The following DPH6 variants were observed in gnomAD, a reference collection of about 807,000 sequenced individuals.
The protein encoded by DPH6 is diphthine--ammonia ligase.
Under a neutral mutation model 38.2 loss-of-function variants are expected in DPH6, and 33 were observed. That is an observed-to-expected ratio of 0.86 (90% CI 0.65 to 1.15). DPH6 has a LOEUF of 1.15. Ranked by LOEUF, DPH6 falls within the 50% of genes most tolerant of loss-of-function variation. DPH6 has a pLI of 0.00. For synonymous variants in DPH6, 108 were observed against 103.0 expected (o/e 1.05, Z -0.30); for missense variants, 325 against 320.0 (o/e 1.02, Z -0.12).
At chr15:35,203,434 G>A in the DPH6 span, among the ~76,000 whole-genome samples, 1 of 151,430 alleles carries the variant, frequency 6.6e-6, no homozygotes, top group African/African-American at 2.4e-5. Flanking sequence ...TTTGACCCAC[G>A]TTAAATATTC....
chr15:35,155,651 T>C, the DPH6 span, among the ~76,000 whole-genome samples: 1 of 152,204 alleles, frequency 6.6e-6, no homozygotes, highest in Non-Finnish European at 1.5e-5. Flanking sequence ...ATGACATTTA[T>C]CATGTTTGAA....
chr15:35,254,745 G>C (rs2051695996), intron 3 of DPH6, among the ~76,000 whole-genome samples: 1 of 152,184 alleles, frequency 6.6e-6, no homozygotes, highest in African/African-American at 2.4e-5. Context: ...CCTGGGTGCA[G>C]GTGGGCTGAG....
At chr15:35,158,818 CT>C in the DPH6 span, among the ~76,000 whole-genome samples, 1 of 151,964 alleles carries the variant, frequency 6.6e-6, no homozygotes, top group Non-Finnish European at 1.5e-5. Context: ...TCTTCCGTCT[CT>C]CTACTTCTGA....
chr15:35,364,981 C>T (rs1009351157), intron 3 of DPH6, among the ~76,000 whole-genome samples: 3 of 151,984 alleles, frequency 2.0e-5, no homozygotes, highest in African/African-American at 7.2e-5. Context: ...CTTCATGTTT[C>T]ATTCTGAATA....
chr15:35,326,438 G>T (rs764440219), downstream of DPH6, among the ~76,000 whole-genome samples: 6 of 149,796 alleles, frequency 4.0e-5, no homozygotes, highest in African/African-American at 7.6e-5. Context: ...AATTTAAAAA[G>T]AATTTTTTTT....
At chr15:35,493,379 T>C (rs2054508665) in intron 3 of DPH6, among the ~76,000 whole-genome samples, 1 of 152,062 alleles carries the variant, frequency 6.6e-6, no homozygotes, top group African/African-American at 2.4e-5. Context: ...ATGCTTGTAA[T>C]GAAAAAGAGC....
chr15:35,432,224 A>G (rs1251588402), intron 5 of DPH6, among the ~76,000 whole-genome samples: 3 of 152,190 alleles, frequency 2.0e-5, no homozygotes, highest in Non-Finnish European at 4.4e-5. Flanking sequence ...AAAAAAATCT[A>G]TATGATGTTT....
At chr15:35,172,731 A>G in the DPH6 span, among the ~76,000 whole-genome samples, 1 of 152,134 alleles carries the variant, frequency 6.6e-6, no homozygotes, top group Non-Finnish European at 1.5e-5. Context: ...CCCAGGCTGG[A>G]GCACAGTGGC....
At chr15:35,525,993 A>T (rs1179734817) in intron 3 of DPH6, among the ~76,000 whole-genome samples, 1 of 152,218 alleles carries the variant, frequency 6.6e-6, no homozygotes, top group African/African-American at 2.4e-5. Context: ...GATCCTTATT[A>T]TAATGCTTTC....
At chr15:35,403,068 T>C (rs1042646067) in intron 6 of DPH6, among the ~76,000 whole-genome samples, 3 of 152,046 alleles carry the variant, frequency 2.0e-5, no homozygotes, top group Admixed American at 1.3e-4. Flanking sequence ...GAGGCAAAAT[T>C]GTATGTATAG....
intron 3 of DPH6, among the ~76,000 whole-genome samples, chr15:35,269,758 T>TTTA (rs1757296020): frequency 6.8e-6 from 1 of 146,508 alleles, no homozygotes; most frequent in African/African-American, 2.5e-5. Flanking sequence ...TTATGTATTC[T>TTTA]TTATTTCTTT....
At chr15:35,292,351 C>T (rs2140786321) in intron 3 of DPH6, among the ~76,000 whole-genome samples, 1 of 152,236 alleles carries the variant, frequency 6.6e-6, no homozygotes, top group Admixed American at 6.5e-5. Flanking sequence ...AGAGAGGATT[C>T]AGTAGATCAA....
chr15:35,434,579 T>C (rs58535236), intron 5 of DPH6, among the ~76,000 whole-genome samples: 65,029 of 151,946 alleles, frequency 0.43, 15,072 homozygotes, highest in African/African-American at 0.6. Context: ...AATTATAAAA[T>C]GCATCTAAAA....
chr15:35,326,144 C>T (rs1051577787), downstream of DPH6, among the ~76,000 whole-genome samples: 9 of 152,128 alleles, frequency 5.9e-5, no homozygotes, highest in Admixed American at 2.0e-4. Flanking sequence ...GTTTTCTGAA[C>T]TTGAACATGT....
chr15:35,274,339 C>T (rs1245206010), intron 3 of DPH6, among the ~76,000 whole-genome samples: 5 of 151,454 alleles, frequency 3.3e-5, no homozygotes, highest in Admixed American at 1.3e-4. Flanking sequence ...GACATAGGCA[C>T]GGGCAAAGAC....
At chr15:35,410,664 T>C (rs551279787) in intron 6 of DPH6, among the ~76,000 whole-genome samples, 171 bp downstream of exon 6, 71 of 151,766 alleles carry the variant, frequency 4.7e-4, no homozygotes, top group Non-Finnish European at 8.1e-4. Flanking sequence ...AATTAATTTT[T>C]ATAATTTTAA....
At chr15:35,235,581 T>C (rs1052133303) in intron 3 of DPH6, among the ~76,000 whole-genome samples, 6 of 152,232 alleles carry the variant, frequency 3.9e-5, no homozygotes, top group South Asian at 4.1e-4. Flanking sequence ...CCAGAGAGAA[T>C]AGAGAGAGCC....
At chr15:35,459,670 G>T (rs8028383) in intron 3 of DPH6, among the ~76,000 whole-genome samples, 1 of 152,112 alleles carries the variant, frequency 6.6e-6, no homozygotes, top group Admixed American at 6.5e-5. Flanking sequence ...AGGGCTGAGT[G>T]GAAGACACCG....
intron 3 of DPH6, among the ~76,000 whole-genome samples, chr15:35,331,889 G>C (rs915002584): frequency 6.6e-6 from 1 of 152,180 alleles, no homozygotes; most frequent in African/African-American, 2.4e-5. Flanking sequence ...AGCTGAGGGA[G>C]CGCCTTTGGC....
Sources: gnomAD v4.1 joint callset for allele counts (sites outside exome capture counted in the v4.1 genomes callset) on GRCh38, gnomAD v4.1.1 for gene constraint, MANE v1.5 for transcripts, NCBI Gene and HGNC (gene_info 2026-07-23, HGNC 2026-07-21) for gene names.